Variants in ZSWIM5 observed in about 807,000 individuals in gnomAD.
The protein encoded by ZSWIM5 is zinc finger SWIM domain-containing protein 5.
In ZSWIM5, 55 loss-of-function variants were observed where a neutral mutation model predicts 119.6. That is an observed-to-expected ratio of 0.46 (90% CI 0.37 to 0.58). The LOEUF is 0.58. ZSWIM5 is among the 20% of genes least tolerant of loss of function. The pLI is 0.00. For synonymous variants in ZSWIM5, 537 were observed against 606.9 expected, an observed-to-expected ratio of 0.88 and a Z score of 1.69; for missense variants, 1,193 against 1,512.8, an observed-to-expected ratio of 0.79 and a Z score of 3.51.
At chr1:45,061,372 CTTTTT>C (rs34346997) in intron 2 of ZSWIM5, among the ~76,000 whole-genome samples, 1 of 143,344 alleles carries the variant, frequency 7.0e-6, no homozygotes, top group Non-Finnish European at 1.5e-5. Context: ...TCTATGCATA[CTTTTT>C]TTTTTTTTTT....
At position 45,030,798 on chromosome 1, in the gene ZSWIM5, C is replaced by CTTT. The variant is rs56045429; in HGVS notation, c.2449+3511_2449+3513dup. On this transcript the variant is annotated intron_variant, in intron 11 of 13. Coordinates refer to ENST00000359600, the MANE Select transcript of ZSWIM5 (RefSeq NM_020883.2). ...AATTTGATTTATGTTTTCATTCTTT[C>CTTT]TTTTTTTTTTTTTTTTGAGATAGAG... Among the ~76,000 whole-genome samples, 530 of 133,074 alleles carry CTTT rather than the reference C, an allele frequency of 4.0e-3. 14 individuals are homozygous for CTTT. Among genetic ancestry groups the CTTT allele is most frequent in the African/African-American group, 0.014 (493 of 35,772 alleles). The allele number at this position is 133,074 out of a possible 152,430, so 87.3% of individuals were successfully genotyped here. A position where few individuals can be genotyped will look rare whatever the true frequency, so the allele number is the denominator to read the frequency against.
chr1:45,205,826 G>A lies in ZSWIM5; in HGVS notation c.525C>T (p.Gly175=), dbSNP rs1646185291. 2 of 1,509,372 alleles carry A rather than the reference G, an allele frequency of 1.3e-6. No homozygotes were observed. The highest frequency in any genetic ancestry group is 1.8e-6 in the Non-Finnish European group (2 of 1,130,770). 93.5% of individuals were successfully genotyped at this position (1,509,372 alleles called of 1,614,324 possible). A position where few individuals can be genotyped will look rare whatever the true frequency, so the allele number is the denominator to read the frequency against. The change falls in exon 1 of 14, where the codon GGC becomes GGT. Residue 175 remains glycine, a synonymous_variant. Coordinates refer to ENST00000359600, the MANE Select transcript of ZSWIM5 (RefSeq NM_020883.2). ...GAGAGAAGCG[G]EGLPFRRGIR... is the part of the protein sequence containing the mutation. ...TGCCCCGGCGGAACGGGAGCCCCTC[G>A]CCACCGCAGCCGGCCGCGCCGGCCC...
Position 45,206,447 on chromosome 1 carries a change from G to A in ZSWIM5, c.-97C>T. 1.6e-6 allele frequency: 2 copies of A among 1,226,346 alleles called. No homozygotes were observed. Among genetic ancestry groups the A allele is most frequent in the Non-Finnish European group, 2.0e-6 (2 of 984,782 alleles). The allele number at this position is 1,226,346 out of a possible 1,614,324, so 76.0% of individuals were successfully genotyped here. A position where few individuals can be genotyped will look rare whatever the true frequency, so the allele number is the denominator to read the frequency against. On this transcript the variant is annotated 5_prime_UTR_variant, in exon 1 of 14. Transcript: ENST00000359600. ...ACGCGCCCCGCGCAAGCGCCCAGCG[G>A]TGGCGCCGAGGGGGGCGGGGCGAGA...
At position 45,105,770 on chromosome 1, in the gene ZSWIM5, G is replaced by A. The variant is rs531569203; in HGVS notation, c.596-17533C>T. Among the ~76,000 whole-genome samples the A allele has an allele frequency of 1.3e-4, 18 of 142,904 alleles. No homozygotes were observed. In the South Asian group the frequency reaches 1.9e-3, roughly 15 times the overall value. 93.8% of individuals were successfully genotyped at this position (142,904 alleles called of 152,430 possible). A position where few individuals can be genotyped will look rare whatever the true frequency, so the allele number is the denominator to read the frequency against. ...GCCGCCACCCCATCTAGGAAGTGAGGAGTGTCTCTGCCTGGCTGCCCATTG... is the reference window on the plus strand; with the variant it reads ...GCCGCCACCCCATCTAGGAAGTGAGAAGTGTCTCTGCCTGGCTGCCCATTG... On this transcript the variant is annotated intron_variant, in intron 1 of 13. Transcript: ENST00000359600.
intron 1 of ZSWIM5, among the ~76,000 whole-genome samples, chr1:45,196,232 G>C (rs1006250632): frequency 2.0e-5 from 3 of 151,038 alleles, no homozygotes; most frequent in African/African-American, 7.3e-5. Context: ...AAAATTACCT[G>C]GGAGCTTTCT....
intron 1 of ZSWIM5, among the ~76,000 whole-genome samples, chr1:45,119,514 T>C (rs1400390488): frequency 6.6e-6 from 1 of 152,240 alleles, no homozygotes; most frequent in African/African-American, 2.4e-5. Context: ...TTTCAAGTGC[T>C]ATTATCTTGC....
At chr1:45,086,357 C>A (rs1438306466) in intron 2 of ZSWIM5, among the ~76,000 whole-genome samples, 1 of 151,978 alleles carries the variant, frequency 6.6e-6, no homozygotes, top group East Asian at 1.9e-4. Flanking sequence ...CAGTTATCAT[C>A]CAAAAGAGAA....
At chr1:45,133,682 G>A (rs2149031715) in intron 1 of ZSWIM5, among the ~76,000 whole-genome samples, 1 of 152,256 alleles carries the variant, frequency 6.6e-6, no homozygotes, top group African/African-American at 2.4e-5. Flanking sequence ...TGAAGTCCTT[G>A]ACCATGCCTA....
chr1:45,060,097 A>G lies in ZSWIM5; in HGVS notation c.1101+2T>C. 1.2e-6 allele frequency: 2 copies of G among 1,614,112 alleles called. No individual in the cohort carries two copies. Among genetic ancestry groups the G allele is most frequent in the Non-Finnish European group, 1.7e-6 (2 of 1,179,986 alleles). On this transcript the variant is annotated splice_donor_variant, in intron 3 of 13. Transcript: ENST00000359600. LOFTEE classifies it high-confidence loss of function. ...AAAGAAAAACACCTTTTCATATCTT[A>G]CCTTGGCAAACATTGAGTTGAGTTG...
intron 2 of ZSWIM5, among the ~76,000 whole-genome samples, chr1:45,063,939 G>T (rs956294810): frequency 6.6e-6 from 1 of 151,356 alleles, no homozygotes; most frequent in Non-Finnish European, 1.5e-5. Context: ...CCGAGATTGC[G>T]CCACTGCACT....
rs755468954 is a variant in ZSWIM5 at position 45,205,828 on chromosome 1, C to T, written c.523G>A (p.Gly175Ser). ...GAGAGAAGCGGEGLPFRRGIR... is the reference protein window; with the variant it reads ...GAGAGAAGCGSEGLPFRRGIR... Reference sequence around the variant, plus strand: ...CCCCGGCGGAACGGGAGCCCCTCGCCACCGCAGCCGGCCGCGCCGGCCCCT... The same window carrying T: ...CCCCGGCGGAACGGGAGCCCCTCGCTACCGCAGCCGGCCGCGCCGGCCCCT... Residue 175 changes from glycine to serine, a missense_variant, in exon 1 of 14, where the codon GGC becomes AGC. Around this residue, in one of 2 missense-constraint regions of ZSWIM5, gnomAD observed 961 missense variants for 1,290.0 expected, o/e 0.74. Transcript: ENST00000359600. 2.6e-6 allele frequency: 4 copies of T among 1,510,444 alleles called. No homozygotes were observed. The highest frequency in any genetic ancestry group is 2.8e-5 in the East Asian group (1 of 36,348). The allele number at this position is 1,510,444 out of a possible 1,614,324, so 93.6% of individuals were successfully genotyped here.
intron 1 of ZSWIM5, among the ~76,000 whole-genome samples, chr1:45,112,051 T>C (rs978801881): frequency 2.0e-4 from 31 of 152,222 alleles, no homozygotes; most frequent in African/African-American, 6.8e-4. Context: ...TAATTGCACA[T>C]ATTTAAAGGG....
intron 5 of ZSWIM5, 91 bp from the exon 6 acceptor site, chr1:45,043,486 A>G: frequency 7.8e-7 from 1 of 1,278,084 alleles, no homozygotes; most frequent in African/African-American, 1.5e-5. Context: ...TTGGCTGAAT[A>G]ATAGTATTTT....
chr1:45,070,620 A>C (rs1243564950), intron 2 of ZSWIM5, among the ~76,000 whole-genome samples: 1 of 152,070 alleles, frequency 6.6e-6, no homozygotes, highest in Admixed American at 6.5e-5. Flanking sequence ...ATAATTTTTC[A>C]AAGTTTTATT....
chr1:45,147,405 C>T lies in ZSWIM5; in HGVS notation c.595+58351G>A, dbSNP rs151212895. 5.4e-3 allele frequency among the ~76,000 whole-genome samples: 820 copies of T among 152,084 alleles called. 8 individuals carry two copies. The highest frequency in any genetic ancestry group is 9.6e-3 in the Non-Finnish European group (650 of 67,946). ...TTTTCTATAAAATTCCCTCCAATTA[C>T]CACAAAGGAAAAGAGATAGACAGAC... On this transcript the variant is annotated intron_variant, in intron 1 of 13. Transcript: ENST00000359600.
At chr1:45,198,617 T>C (rs1396026694) in intron 1 of ZSWIM5, among the ~76,000 whole-genome samples, 1 of 152,192 alleles carries the variant, frequency 6.6e-6, no homozygotes, top group Non-Finnish European at 1.5e-5. Flanking sequence ...ACAAGGGCAA[T>C]TCTATAAGAG....
intron 2 of ZSWIM5, among the ~76,000 whole-genome samples, chr1:45,066,026 C>T: frequency 8.6e-6 from 1 of 115,712 alleles, no homozygotes; most frequent in African/African-American, 3.3e-5. Context: ...CCCCACCCCA[C>T]AACAGTCCCC....
intron 11 of ZSWIM5, among the ~76,000 whole-genome samples, chr1:45,031,952 G>A (rs956141837): frequency 1.3e-5 from 2 of 151,068 alleles, no homozygotes; most frequent in Non-Finnish European, 2.9e-5. Context: ...ATTTTGACTT[G>A]TGCTTTCATT....
chr1:45,186,698 C>T (rs974883739), intron 1 of ZSWIM5, among the ~76,000 whole-genome samples: 1 of 152,016 alleles, frequency 6.6e-6, no homozygotes, highest in Non-Finnish European at 1.5e-5. Flanking sequence ...CTCTGCCTCC[C>T]GGGTGCTTCT....
Sources: allele counts gnomAD v4.1 joint callset (sites outside exome capture counted in the v4.1 genomes callset), GRCh38; gene constraint gnomAD v4.1.1; regional missense constraint gnomAD v4.1.1; transcripts MANE v1.5; gene names NCBI Gene and HGNC (gene_info 2026-07-23, HGNC 2026-07-21).